GSDMC: variants seen among roughly 807,000 people sequenced by gnomAD.
GSDMC encodes gasdermin-C.
In GSDMC, 59 loss-of-function variants were observed where a neutral mutation model predicts 58.0. The ratio of observed to expected loss-of-function variants is 1.02; its 90% confidence interval spans 0.82 to 1.26. The LOEUF (loss-of-function observed/expected upper bound fraction) is 1.26, where lower values mean the gene tolerates loss of function less well. Ranked by LOEUF, GSDMC falls within the 50% of genes most tolerant of loss-of-function variation. GSDMC has a pLI of 0.00. For missense variants in GSDMC, 659 were observed against 598.5 expected, an observed-to-expected ratio of 1.10 and a Z score of -1.06; for synonymous variants, 241 against 220.2, an observed-to-expected ratio of 1.09 and a Z score of -0.83.
At chr8:129,737,806 A>T in the GSDMC span, among the ~76,000 whole-genome samples, 1 of 152,250 alleles carries the variant, frequency 6.6e-6, no homozygotes. Context: ...GCCAAAATAG[A>T]CAAATAGGAT....
chr8:129,721,132 A>G, the GSDMC span, among the ~76,000 whole-genome samples: 1 of 152,010 alleles, frequency 6.6e-6, no homozygotes, highest in South Asian at 2.1e-4. Context: ...CCAATGGCCC[A>G]TTTTTCTTAC....
At chr8:129,750,217 A>G in intron 11 of GSDMC, 98 bp from the exon 12 acceptor site, 1 of 1,098,858 alleles carries the variant, frequency 9.1e-7, no homozygotes, top group South Asian at 1.7e-5. Flanking sequence ...GGTAGGCATG[A>G]GGGTTCTCTA....
chr8:129,749,840 G>A (rs2033101254), intron 12 of GSDMC, 150 bp downstream of exon 12: 1 of 656,048 alleles, frequency 1.5e-6, no homozygotes, highest in Admixed American at 3.0e-5. Flanking sequence ...TTATCACAGT[G>A]AGCCCTCTGA....
At chr8:129,728,645 C>A in the GSDMC span, 1 of 278,476 alleles carries the variant, frequency 3.6e-6, no homozygotes, top group Non-Finnish European at 7.0e-6. Context: ...CAACACAGAG[C>A]TTCTGCTAGT....
the GSDMC span, chr8:129,729,006 G>A: frequency 1.5e-5 from 10 of 658,546 alleles, no homozygotes; most frequent in Admixed American, 8.3e-5. Flanking sequence ...CTTGCTGCAC[G>A]ATGAGGATGA....
chr8:129,748,436 G>T lies in GSDMC; in HGVS notation c.*65C>A. On this transcript the variant is annotated 3_prime_UTR_variant, in exon 14 of 14. Transcript: ENST00000276708. ...ACAGCCCTATCTCTTGCACCCATAA[G>T]GACACTCACAGCATAGACTGGGCGA... is the stretch of plus-strand genomic sequence containing the variant. 1 of 1,503,912 alleles carries T rather than the reference G, an allele frequency of 6.6e-7. No homozygotes were observed. The highest frequency in any genetic ancestry group is 1.4e-5 in the South Asian group (1 of 74,062). 93.2% of individuals were successfully genotyped at this position (1,503,912 alleles called of 1,614,324 possible). A position where few individuals can be genotyped will look rare whatever the true frequency, so the allele number is the denominator to read the frequency against.
rs764930991 is a variant in GSDMC, at chr8:129,762,671, T to C, written c.631A>G (p.Met211Val). ...KKKALTLQKG[M>V]VMAYKRKQLV... ...TGCTTTCTCTTATAAGCCATCACCA[T>C]GCCTTTCTGAAGAGTCAGCGCCTTC... Residue 211 changes from methionine (M) to valine (V), a missense_variant, in exon 5 of 14, where the codon ATG becomes GTG. Physicochemically the swap from Met to Val is conservative, Grantham distance 21 (BLOSUM62 1). Coordinates refer to ENST00000276708, the MANE Select transcript of GSDMC (RefSeq NM_031415.3). 4 of 1,613,900 alleles carry C rather than the reference T, an allele frequency of 2.5e-6. No individual in the cohort carries two copies. Among genetic ancestry groups the C allele is most frequent in the Admixed American group, 1.7e-5 (1 of 60,010 alleles).
At position 129,776,102 on chromosome 8, in the gene GSDMC, CT is replaced by C; in HGVS notation, c.403del (p.Arg135GlyfsTer11). On this transcript the variant is annotated frameshift_variant and splice_region_variant, in exon 3 of 14. Transcript: ENST00000276708. LOFTEE classifies it high-confidence loss of function. The stretch of plus-strand genomic sequence containing the variant: ...TCCCCTTCCTCTCCCATGGCCTCAC[CT>C]TTTTTGAAAGTCTTCCAGGTTTGGT... ...PSPNLEDFQK[R>X]KLLDPEPSFL... The C allele has an allele frequency of 6.2e-7, 1 of 1,612,046 alleles. No individual in the cohort carries two copies. Among genetic ancestry groups the C allele is most frequent in the East Asian group, 2.2e-5 (1 of 44,798 alleles).
chr8:129,777,274 TC>T (rs2034264275), intron 2 of GSDMC, 93 bp downstream of exon 2: 2 of 748,638 alleles, frequency 2.7e-6, no homozygotes, highest in South Asian at 3.4e-5. Context: ...AGAGCTCCTT[TC>T]TGTGTGCTCA....
downstream of GSDMC, among the ~76,000 whole-genome samples, chr8:129,743,242 T>C (rs533512137): frequency 3.6e-4 from 55 of 152,336 alleles, 1 homozygote; most frequent in South Asian, 0.011. Context: ...ACATGTGTTA[T>C]ATCGTATCAC....
chr8:129,772,522 A>G (rs2034096115), intron 3 of GSDMC, among the ~76,000 whole-genome samples: 1 of 152,164 alleles, frequency 6.6e-6, no homozygotes, highest in Non-Finnish European at 1.5e-5. Context: ...TGGGGTAGAT[A>G]AGAGAAATGG....
chr8:129,780,231 A>G (rs982685468), intron 1 of GSDMC, among the ~76,000 whole-genome samples: 1 of 152,186 alleles, frequency 6.6e-6, no homozygotes, highest in Non-Finnish European at 1.5e-5. Flanking sequence ...AAGTTTATGC[A>G]AAGGGAGAAC....
chr8:129,721,011 C>CTTAT, the GSDMC span, among the ~76,000 whole-genome samples: 1 of 152,186 alleles, frequency 6.6e-6, no homozygotes, highest in Non-Finnish European at 1.5e-5. Context: ...AAGTGACTGA[C>CTTAT]ATAAGAGTAA....
intron 6 of GSDMC, among the ~76,000 whole-genome samples, chr8:129,759,705 G>T (rs2033579816): frequency 6.6e-6 from 1 of 152,098 alleles, no homozygotes; most frequent in African/African-American, 2.4e-5. Context: ...TCCAAGACAG[G>T]CAATAACACA....
chr8:129,708,459 G>A, the GSDMC span, among the ~76,000 whole-genome samples: 1 of 152,352 alleles, frequency 6.6e-6, no homozygotes, highest in East Asian at 1.9e-4. Context: ...AGAAGCAAAA[G>A]AAAGCAGTTA....
the GSDMC span, among the ~76,000 whole-genome samples, chr8:129,725,969 C>A: frequency 6.6e-6 from 1 of 152,066 alleles, no homozygotes; most frequent in Admixed American, 6.6e-5. Context: ...TATGTGTTAA[C>A]CAAGATTCCA....
chr8:129,760,186 T>C (rs2033603243), intron 6 of GSDMC, among the ~76,000 whole-genome samples: 1 of 152,030 alleles, frequency 6.6e-6, no homozygotes, highest in East Asian at 1.9e-4. Flanking sequence ...CATACAGATA[T>C]AAGTATGCTA....
chr8:129,776,752 GTTGTTGT>G (rs1343941723), intron 2 of GSDMC, among the ~76,000 whole-genome samples: 1 of 151,754 alleles, frequency 6.6e-6, no homozygotes, highest in Non-Finnish European at 1.5e-5. Flanking sequence ...TGTTGTTGTT[GTTGTTGT>G]TTTTGTTGTT....
At chr8:129,747,850 C>T (rs999818405), downstream of GSDMC, among the ~76,000 whole-genome samples, 6 of 151,996 alleles carry the variant, frequency 3.9e-5, no homozygotes, top group Non-Finnish European at 7.4e-5. Flanking sequence ...GCTTAGGAGG[C>T]GAGGTGGCAT....
Sources: gnomAD v4.1 joint callset for allele counts (sites outside exome capture counted in the v4.1 genomes callset) on GRCh38, gnomAD v4.1.1 for gene constraint, MANE v1.5 for transcripts, NCBI Gene and HGNC (gene_info 2026-07-23, HGNC 2026-07-21) for gene names.